The following SATB2 variants were observed in gnomAD, a reference collection of about 807,000 sequenced individuals.
SATB2 encodes DNA-binding protein SATB2.
A neutral mutation model predicts 73.4 loss-of-function variants in SATB2; 1 was observed. That is an observed-to-expected ratio of 0.01 (90% CI 0.00 to 0.06). SATB2 has a LOEUF of 0.06. Among genes scored for constraint, SATB2 ranks in the 10% least tolerant of loss-of-function variants. The pLI is 1.00. For synonymous variants in SATB2, 397 were observed against 367.0 expected (o/e 1.08, Z -0.93); for missense variants, 459 against 945.8 (o/e 0.49, Z 6.75).
At chr2:199,327,438 C>T (rs1187866607) in intron 8 of SATB2, among the ~76,000 whole-genome samples, 2 of 152,130 alleles carry the variant, frequency 1.3e-5, no homozygotes, top group African/African-American at 2.4e-5. Flanking sequence ...GAGACTCCTT[C>T]TCAAAAACAA....
Position 199,464,105 on chromosome 2 carries a change from CG to C in SATB2, c.-141+730del, listed in dbSNP as rs2105968364. On this transcript the variant is annotated intron_variant, in intron 1 of 11. Coordinates refer to the SATB2 transcript ENST00000260926. This position sits in a 1 kb window ranked among gnomAD's most constrained non-coding sequence, Gnocchi z 6.6. ...GTGGGGGCCAACTTAGAGGGCTTCC[CG>C]AGCTGGCGCCTCGCCTGTTTTCTCG... Among the ~76,000 whole-genome samples, 1 of 152,276 alleles carries C rather than the reference CG, an allele frequency of 6.6e-6. No individual in the cohort carries two copies. The highest frequency in any genetic ancestry group is 1.9e-4 in the East Asian group (1 of 5,150).
intron 10 of SATB2, among the ~76,000 whole-genome samples, chr2:199,275,271 C>T (rs745733528): frequency 2.3e-4 from 35 of 152,108 alleles, no homozygotes; most frequent in Non-Finnish European, 4.7e-4. Flanking sequence ...TGTTCTTCTC[C>T]TTAGGTCCAA....
chr2:199,393,153 CT>C (rs1690198659), intron 3 of SATB2, among the ~76,000 whole-genome samples: 1 of 152,158 alleles, frequency 6.6e-6, no homozygotes, highest in Non-Finnish European at 1.5e-5. Flanking sequence ...CCCAGAGAGC[CT>C]CTGCACTTAA....
chr2:199,449,864 T>C (rs1692073156), intron 2 of SATB2, among the ~76,000 whole-genome samples: 1 of 152,114 alleles, frequency 6.6e-6, no homozygotes, highest in African/African-American at 2.4e-5. Context: ...AAAAAGACCA[T>C]ACAATCAAAG....
chr2:199,444,337 G>A (rs1691905119), intron 2 of SATB2, among the ~76,000 whole-genome samples: 4 of 151,790 alleles, frequency 2.6e-5, no homozygotes, highest in Admixed American at 2.6e-4. Context: ...TTTGTCTCCT[G>A]GACAAAAAAG....
chr2:199,441,247 A>C (rs961645116), intron 2 of SATB2, among the ~76,000 whole-genome samples: 2 of 152,158 alleles, frequency 1.3e-5, no homozygotes, highest in South Asian at 2.1e-4. Flanking sequence ...CCTCCAACTA[A>C]ATAATAAATA....
At chr2:199,453,871 G>A (rs1692199734) in intron 2 of SATB2, among the ~76,000 whole-genome samples, 2 of 151,962 alleles carry the variant, frequency 1.3e-5, no homozygotes, top group South Asian at 4.2e-4. Context: ...TTACTATCGT[G>A]TATTATAAAC....
intron 10 of SATB2, among the ~76,000 whole-genome samples, chr2:199,273,308 AATTCT>A (rs1692213612): frequency 6.6e-6 from 1 of 152,184 alleles, no homozygotes; most frequent in Non-Finnish European, 1.5e-5. Flanking sequence ...ACAACTACTC[AATTCT>A]ATTCTATTGC....
upstream of SATB2, among the ~76,000 whole-genome samples, chr2:199,469,442 C>A (rs924683323): frequency 6.6e-6 from 1 of 151,826 alleles, no homozygotes; most frequent in Non-Finnish European, 1.5e-5. Flanking sequence ...AAGCCAGCCC[C>A]GGCATCGCTC....
At chr2:199,391,441 A>C (rs1380160584) in intron 3 of SATB2, among the ~76,000 whole-genome samples, 1 of 151,360 alleles carries the variant, frequency 6.6e-6, no homozygotes, top group African/African-American at 2.4e-5. Flanking sequence ...TCAAAAAAAA[A>C]AAAAAAAAAA....
At chr2:199,327,699 T>G (rs902709219) in intron 8 of SATB2, among the ~76,000 whole-genome samples, 1 of 152,092 alleles carries the variant, frequency 6.6e-6, no homozygotes, top group African/African-American at 2.4e-5. Flanking sequence ...ATGTATACAT[T>G]TGCATGAGGG....
intron 10 of SATB2, among the ~76,000 whole-genome samples, chr2:199,300,279 G>C (rs1330908446): frequency 2.0e-5 from 3 of 150,792 alleles, no homozygotes; most frequent in Non-Finnish European, 4.4e-5. Flanking sequence ...AGCAAAACCA[G>C]CACCTAACAA....
At chr2:199,461,314 C>T (rs1158080499), upstream of SATB2, among the ~76,000 whole-genome samples, 1 of 152,096 alleles carries the variant, frequency 6.6e-6, no homozygotes, top group Non-Finnish European at 1.5e-5. Context: ...GCGATTATTT[C>T]CAGCAGGTTT....
rs1692559446 is a variant in SATB2 at position 199,464,727 on chromosome 2, T to C, written c.-141+109A>G. On this transcript the variant is annotated intron_variant, in intron 1 of 11. Transcript: ENST00000260926. The surrounding 1 kb of genome is among the most constrained non-coding windows in gnomAD (Gnocchi z 6.6). Reference sequence around the variant, plus strand: ...GGCCTACTCGCCTACTCCCTTATTATTGGCTGGGACCTGTTCCTTTCCAAA... The same window carrying C: ...GGCCTACTCGCCTACTCCCTTATTACTGGCTGGGACCTGTTCCTTTCCAAA... 1 of 152,218 alleles carries C rather than the reference T, an allele frequency of 6.6e-6. No homozygotes were observed. The highest frequency in any genetic ancestry group is 6.5e-5 in the Admixed American group (1 of 15,286). 9.4% of individuals were successfully genotyped at this position (152,218 alleles called of 1,614,324 possible). A position where few individuals can be genotyped will look rare whatever the true frequency, so the allele number is the denominator to read the frequency against.
At chr2:199,343,124 AC>A (rs1688555583) in intron 7 of SATB2, among the ~76,000 whole-genome samples, 2 of 151,612 alleles carry the variant, frequency 1.3e-5, no homozygotes, top group African/African-American at 4.9e-5. Context: ...ACACACACAC[AC>A]ACACACACAC....
At chr2:199,314,785 T>A (rs1440041821) in intron 9 of SATB2, among the ~76,000 whole-genome samples, 1 of 152,026 alleles carries the variant, frequency 6.6e-6, no homozygotes, top group Non-Finnish European at 1.5e-5. Flanking sequence ...AAGAATGTCA[T>A]GCAAAAAAAC....
intron 6 of SATB2, among the ~76,000 whole-genome samples, chr2:199,354,766 G>C (rs1688922770): frequency 1.3e-5 from 2 of 152,088 alleles, no homozygotes; most frequent in African/African-American, 4.8e-5. Flanking sequence ...TGCAGGGAAT[G>C]GGCAGCCATT....
chr2:199,427,272 C>G lies in SATB2; in HGVS notation c.346+6066G>C, dbSNP rs114811873. Among the ~76,000 whole-genome samples, 632 of 152,036 alleles carry G rather than the reference C, an allele frequency of 4.2e-3. 3 individuals carry two copies. Among genetic ancestry groups the G allele is most frequent in the Non-Finnish European group, 7.4e-3 (500 of 67,990 alleles). ...AAACAAAAATTCTGAATTAAAGCAG[C>G]AAACCTAAGTTTCAGAAAAGAATTT... On this transcript the variant is annotated intron_variant, in intron 3 of 10. Transcript: ENST00000417098.
At chr2:199,377,189 A>C (rs1212021983) in intron 5 of SATB2, among the ~76,000 whole-genome samples, 1 of 152,166 alleles carries the variant, frequency 6.6e-6, no homozygotes, top group Non-Finnish European at 1.5e-5. Flanking sequence ...ATCCTGGCTA[A>C]CATGGTGAAA....
Sources: allele counts gnomAD v4.1 joint callset (sites outside exome capture counted in the v4.1 genomes callset), GRCh38; gene constraint gnomAD v4.1.1; non-coding constraint Gnocchi (gnomAD v3.1); transcripts MANE v1.5; gene names NCBI Gene and HGNC (gene_info 2026-07-23, HGNC 2026-07-21).